Variants in LAMP3 observed in about 807,000 individuals in gnomAD.
LAMP3 encodes the protein lysosome associated membrane protein 3, also known as lysosome-associated membrane glycoprotein 3.
A neutral mutation model predicts 34.8 loss-of-function variants in LAMP3; 26 were observed. The observed-to-expected ratio is 0.75, with a 90% CI of 0.55 to 1.04. The LOEUF (loss-of-function observed/expected upper bound fraction) is 1.04. LAMP3 is among the 50% of genes least tolerant of loss of function. The pLI is 0.00. For missense variants in LAMP3, 495 were observed against 524.0 expected (o/e 0.94, Z 0.54); for synonymous variants, 180 against 201.9 (o/e 0.89, Z 0.92).
In LAMP3 at chr3:183,137,597, C is replaced by T. The variant is rs577813464; in HGVS notation, c.947-1710G>A. On this transcript the variant is annotated intron_variant, in intron 4 of 5. Transcript: ENST00000265598. ...ATTCTCTGTGTACACTGCCGGGTCA[C>T]GTGTTATATCCTGGGTAGTCTGCTA... is the stretch of plus-strand genomic sequence containing the variant. Among the ~76,000 whole-genome samples, 27 of 152,250 alleles carry T rather than the reference C, an allele frequency of 1.8e-4. No individual in the cohort carries two copies. The South Asian group carries it at 4.8e-3, about 27-fold the overall frequency.
At chr3:183,147,651 G>A (rs1720487825) in intron 3 of LAMP3, among the ~76,000 whole-genome samples, 1 of 151,232 alleles carries the variant, frequency 6.6e-6, no homozygotes, top group Non-Finnish European at 1.5e-5. Flanking sequence ...TGCTCATTAG[G>A]TTATATGCCT....
chr3:183,122,289 C>CA lies in LAMP3; in HGVS notation c.*1791dup, dbSNP rs981176725. ...ATTAAGACTAAAGTCAGGACCTTGCCAACTTACTGAGTCATAAGGAAACAC... is the reference window on the plus strand; with the variant it reads ...ATTAAGACTAAAGTCAGGACCTTGCCAAACTTACTGAGTCATAAGGAAACAC... On this transcript the variant is annotated 3_prime_UTR_variant, in exon 6 of 6. Coordinates refer to ENST00000265598, the MANE Select transcript of LAMP3 (RefSeq NM_014398.4). 3 of 152,132 alleles carry CA rather than the reference C, an allele frequency of 2.0e-5. No homozygotes were observed. Among genetic ancestry groups the CA allele is most frequent in the African/African-American group, 7.2e-5 (3 of 41,424 alleles). The allele number at this position is 152,132 out of a possible 1,614,324, so 9.4% of individuals were successfully genotyped here. A position where few individuals can be genotyped will look rare whatever the true frequency, so the allele number is the denominator to read the frequency against.
chr3:183,151,572 C>T (rs551362178), intron 3 of LAMP3, among the ~76,000 whole-genome samples: 29 of 151,930 alleles, frequency 1.9e-4, no homozygotes, highest in South Asian at 1.7e-3. Context: ...GGATTACAGG[C>T]GCCCGCCACC....
intron 3 of LAMP3, among the ~76,000 whole-genome samples, chr3:183,143,183 A>G (rs1215074447): frequency 6.6e-6 from 1 of 152,066 alleles, no homozygotes; most frequent in African/African-American, 2.4e-5. Flanking sequence ...ATCTTGGCTC[A>G]CTGCAGCCTC....
At chr3:183,149,558 AAAAAAAAAAAAAAAAAATATATAT>A (rs1239277269) in intron 3 of LAMP3, among the ~76,000 whole-genome samples, 1 of 25,762 alleles carries the variant, frequency 3.9e-5, no homozygotes, top group African/African-American at 1.1e-4. Context: ...AAAAAAAAAA[AAAAAAAAAAAAAAAAAATATATAT>A]ATATATATAT....
At chr3:183,131,376 T>A (rs2108596227) in intron 5 of LAMP3, among the ~76,000 whole-genome samples, 1 of 152,300 alleles carries the variant, frequency 6.6e-6, no homozygotes, top group East Asian at 1.9e-4. Context: ...CGAGTGCCCT[T>A]AACACTGGAC....
intron 3 of LAMP3, among the ~76,000 whole-genome samples, chr3:183,151,558 G>T (rs916416309): frequency 2.0e-5 from 3 of 151,492 alleles, no homozygotes; most frequent in Non-Finnish European, 2.9e-5. Context: ...CTCCCAAGTA[G>T]CTGGGATTAC....
intron 2 of LAMP3, among the ~76,000 whole-genome samples, chr3:183,153,446 T>C (rs1164154242): frequency 6.6e-6 from 1 of 152,182 alleles, no homozygotes; most frequent in Non-Finnish European, 1.5e-5. Flanking sequence ...AAGTGAGGTG[T>C]GTGAATATTT....
At chr3:183,139,235 C>T (rs1720196235) in intron 4 of LAMP3, among the ~76,000 whole-genome samples, 1 of 151,896 alleles carries the variant, frequency 6.6e-6, no homozygotes, top group Admixed American at 6.6e-5. Flanking sequence ...ACTAAAAATA[C>T]AAAAATTAGC....
At position 183,154,000 on chromosome 3, in the gene LAMP3, G is replaced by T. The variant is rs950454678; in HGVS notation, c.441C>A (p.Thr147=). The part of the protein sequence containing the change: ...TITPPAHTTG[T]SSSTVSHTTG... ...TTGTGTGGCTGACGGTTGATGAACTGGTTCCAGTTGTATGAGCTGGTGGGG... is the reference window on the plus strand; with the variant it reads ...TTGTGTGGCTGACGGTTGATGAACTTGTTCCAGTTGTATGAGCTGGTGGGG... Residue 147 remains threonine (T), a synonymous_variant, in exon 2 of 6, where the codon ACC becomes ACA. Coordinates refer to ENST00000265598, the MANE Select transcript of LAMP3 (RefSeq NM_014398.4). The T allele has an allele frequency of 1.9e-6, 3 of 1,614,182 alleles. No homozygotes were observed. The East Asian group carries it at 6.7e-5, about 36-fold the overall frequency.
At chr3:183,155,189 C>T (rs906964831) in intron 1 of LAMP3, among the ~76,000 whole-genome samples, 6 of 152,208 alleles carry the variant, frequency 3.9e-5, no homozygotes, top group African/African-American at 7.2e-5. Flanking sequence ...GGATTATAGG[C>T]GTGAGCCACC....
intron 1 of LAMP3, among the ~76,000 whole-genome samples, chr3:183,161,579 C>T (rs1479462938): frequency 6.6e-6 from 1 of 151,830 alleles, no homozygotes; most frequent in East Asian, 1.9e-4. Context: ...TTAGTAGAGG[C>T]GGGGTTTCAC....
chr3:183,151,685 C>T (rs538916256), intron 3 of LAMP3, among the ~76,000 whole-genome samples: 1 of 152,120 alleles, frequency 6.6e-6, no homozygotes, highest in South Asian at 2.1e-4. Flanking sequence ...GCCTCAGCCT[C>T]CCAAAGTGCT....
In LAMP3 at chr3:183,123,766, T is replaced by C; in HGVS notation, c.*315A>G. The C allele has an allele frequency of 3.5e-6, 1 of 282,370 alleles. No individual in the cohort carries two copies. The highest frequency in any genetic ancestry group is 6.7e-6 in the Non-Finnish European group (1 of 148,206). 17.5% of individuals were successfully genotyped at this position (282,370 alleles called of 1,614,324 possible). On this transcript the variant is annotated 3_prime_UTR_variant, in exon 6 of 6. Transcript: ENST00000265598. ...TTACAATTGACCCTTGGTTTATAATTTGAAGGCTTATTCTACTTTACATAT... is the reference window on the plus strand; with the variant it reads ...TTACAATTGACCCTTGGTTTATAATCTGAAGGCTTATTCTACTTTACATAT...
At chr3:183,159,308 A>G (rs9851929) in intron 1 of LAMP3, among the ~76,000 whole-genome samples, 2,219 of 152,270 alleles carry the variant, frequency 0.015, 58 homozygotes, top group African/African-American at 0.051. Context: ...AGACAGGAGG[A>G]AGAGAATGTG....
intron 3 of LAMP3, among the ~76,000 whole-genome samples, chr3:183,150,623 C>T (rs1043270802): frequency 2.2e-5 from 3 of 138,926 alleles, no homozygotes; most frequent in Admixed American, 7.8e-5. Flanking sequence ...TCATTGCTCA[C>T]TGCAGCCTCA....
intron 4 of LAMP3, among the ~76,000 whole-genome samples, chr3:183,137,391 T>C (rs929009265): frequency 1.3e-5 from 2 of 152,188 alleles, no homozygotes; most frequent in Non-Finnish European, 2.9e-5. Context: ...TCTAATTCCA[T>C]GCTTGCTAAG....
intron 3 of LAMP3, among the ~76,000 whole-genome samples, chr3:183,151,489 G>A (rs561031313): frequency 3.6e-4 from 53 of 148,580 alleles, no homozygotes; most frequent in South Asian, 1.3e-3. Flanking sequence ...GTGCAATGGC[G>A]CAATCTCGGC....
intron 3 of LAMP3, 38 bp from the exon 4 acceptor site, chr3:183,140,633 T>G: frequency 3.2e-6 from 4 of 1,246,678 alleles, no homozygotes; most frequent in Non-Finnish European, 4.7e-6. Flanking sequence ...GGGTTATCTC[T>G]ACTCATATGT....
Sources: gnomAD v4.1 joint callset for allele counts (sites outside exome capture counted in the v4.1 genomes callset) on GRCh38, gnomAD v4.1.1 for gene constraint, MANE v1.5 for transcripts, NCBI Gene and HGNC (gene_info 2026-07-23, HGNC 2026-07-21) for gene names.